The following ATP9B variants were observed in gnomAD, a reference collection of about 807,000 sequenced individuals.
The protein encoded by ATP9B is probable phospholipid-transporting ATPase IIB.
ATP9B carries 110 observed loss-of-function variants against 146.1 expected under a neutral mutation model. The ratio of observed to expected loss-of-function variants is 0.75; its 90% CI spans 0.65 to 0.88. The LOEUF is 0.88. Ranked by LOEUF, ATP9B falls within the 40% of genes least tolerant of loss-of-function variation. The pLI, the probability that ATP9B is intolerant of heterozygous loss-of-function variation, is 0.00. For synonymous variants in ATP9B, 604 were observed against 569.7 expected, an observed-to-expected ratio of 1.06 and a Z score of -0.86; for missense variants, 1,499 against 1,496.4, an observed-to-expected ratio of 1.00 and a Z score of -0.03.
At chr18:79,224,197 T>C (rs532829809) in intron 11 of ATP9B, among the ~76,000 whole-genome samples, 2 of 152,222 alleles carry the variant, frequency 1.3e-5, no homozygotes, top group African/African-American at 4.8e-5. Context: ...ATAATTGTCT[T>C]TATTTTTTGA....
chr18:79,277,181 T>C lies in ATP9B; in HGVS notation c.1396T>C (p.Leu466=). 2 of 1,614,244 alleles carry C rather than the reference T, an allele frequency of 1.2e-6. No individual in the cohort carries two copies. Among genetic ancestry groups the C allele is most frequent in the Non-Finnish European group, 8.5e-7 (1 of 1,180,042 alleles). ...PEELGRLVYL[L]TDKTGTLTQN... is the part of the protein sequence containing the mutation. ...GGAACTTGGGCGCCTGGTGTATTTA[T>C]TGACAGACAAAACAGGTACTGTTCG... The change falls in exon 13 of 30, where the codon TTG becomes CTG. Residue 466 remains leucine (L), a synonymous_variant. Coordinates refer to ENST00000426216, the MANE Select transcript of ATP9B (RefSeq NM_198531.5).
intron 1 of ATP9B, among the ~76,000 whole-genome samples, chr18:79,075,505 A>G (rs1349748460): frequency 6.6e-6 from 1 of 152,194 alleles, no homozygotes. Flanking sequence ...GTGCATACAC[A>G]TTTGAGATTC....
chr18:79,138,481 A>G (rs1257958199), intron 5 of ATP9B, among the ~76,000 whole-genome samples: 1 of 152,168 alleles, frequency 6.6e-6, no homozygotes, highest in Non-Finnish European at 1.5e-5. Flanking sequence ...GGCACATCCC[A>G]TTTACTTACT....
intron 25 of ATP9B, among the ~76,000 whole-genome samples, chr18:79,355,634 G>A (rs1412835563): frequency 7.4e-5 from 11 of 149,494 alleles, no homozygotes; most frequent in African/African-American, 2.3e-4. Flanking sequence ...CGTTTGTGCC[G>A]TGGGAGCCCC....
Position 79,282,543 on chromosome 18 carries a change from C to A in ATP9B, c.1411+5347C>A, listed in dbSNP as rs375562367. On this transcript the variant is annotated intron_variant, in intron 13 of 29. Transcript: ENST00000426216. ...TGCTGAAGGCTCAGATGATTGTTAG[C>A]ACGTTTTAAAAATATTTTTAAATTA... 1.7e-3 allele frequency among the ~76,000 whole-genome samples: 255 copies of A among 152,328 alleles called. No homozygotes were observed. In the Middle Eastern group the frequency reaches 0.02, roughly 12 times the overall value.
chr18:79,262,406 T>A (rs2096152457), intron 12 of ATP9B, among the ~76,000 whole-genome samples: 1 of 152,182 alleles, frequency 6.6e-6, no homozygotes, highest in Admixed American at 6.5e-5. Flanking sequence ...AACAAAGTTT[T>A]ATTTTATATA....
At chr18:79,136,604 C>T (rs2094450463) in intron 5 of ATP9B, among the ~76,000 whole-genome samples, 2 of 152,154 alleles carry the variant, frequency 1.3e-5, no homozygotes, top group African/African-American at 4.8e-5. Context: ...GAGGTAGTGA[C>T]ACATTCATTG....
rs536561524 is a variant in ATP9B at position 79,158,422 on chromosome 18, A to G, written c.778+3867A>G. Among the ~76,000 whole-genome samples, 3 of 152,200 alleles carry G rather than the reference A, an allele frequency of 2.0e-5. No homozygotes were observed. The East Asian group carries it at 5.8e-4, about 29-fold the overall frequency. On this transcript the variant is annotated intron_variant, in intron 7 of 29. Coordinates refer to ENST00000426216, the MANE Select transcript of ATP9B (RefSeq NM_198531.5). ...TGCCTCAGCCTCCCAGGTAGCTAGC[A>G]ATACAGGCATACACCACCACACCTG...
intron 6 of ATP9B, among the ~76,000 whole-genome samples, chr18:79,148,648 C>T (rs991937412): frequency 6.6e-6 from 1 of 152,286 alleles, no homozygotes; most frequent in African/African-American, 2.4e-5. Context: ...TGAATGCCTC[C>T]TCTCTGAGAC....
At chr18:79,333,766 C>A (rs979739813) in intron 17 of ATP9B, among the ~76,000 whole-genome samples, 1 of 152,130 alleles carries the variant, frequency 6.6e-6, no homozygotes, top group East Asian at 1.9e-4. Context: ...GGGCTCATTG[C>A]GGCCGTAGCT....
chr18:79,270,370 A>G (rs1377158282), intron 12 of ATP9B, among the ~76,000 whole-genome samples: 1 of 151,962 alleles, frequency 6.6e-6, no homozygotes, highest in East Asian at 1.9e-4. Flanking sequence ...TACAGAATGT[A>G]TTTTACTTTA....
chr18:79,287,081 T>G lies in ATP9B; in HGVS notation c.1411+9885T>G, dbSNP rs556226616. Among the ~76,000 whole-genome samples the G allele has an allele frequency of 7.2e-5, 11 of 152,340 alleles. No individual in the cohort carries two copies. In the South Asian group the frequency reaches 2.1e-3, roughly 29 times the overall value. ...CAAGGATACTGGTCTAAAATTCTCT[T>G]TTTTGGTTGTGTCTCTGCCGGGCTT... On this transcript the variant is annotated intron_variant, in intron 13 of 29. Transcript: ENST00000426216.
intron 11 of ATP9B, among the ~76,000 whole-genome samples, chr18:79,245,423 A>C (rs931747208): frequency 6.8e-6 from 1 of 147,936 alleles, no homozygotes; most frequent in Non-Finnish European, 1.5e-5. Context: ...CTACATTAAG[A>C]CAAAAAAAAC....
At chr18:79,073,434 C>G (rs1446302041) in intron 1 of ATP9B, among the ~76,000 whole-genome samples, 2 of 152,248 alleles carry the variant, frequency 1.3e-5, no homozygotes, top group Admixed American at 1.3e-4. Flanking sequence ...GGAGACCAGC[C>G]TGGCCAACAC....
intron 19 of ATP9B, among the ~76,000 whole-genome samples, chr18:79,340,921 C>T (rs569733192): frequency 7.7e-4 from 117 of 152,180 alleles, no homozygotes; most frequent in Non-Finnish European, 1.4e-3. Flanking sequence ...GACTGTGTGC[C>T]GCCTTGGCAG....
At chr18:79,323,675 G>T (rs960456965) in intron 15 of ATP9B, among the ~76,000 whole-genome samples, 1 of 152,198 alleles carries the variant, frequency 6.6e-6, no homozygotes, top group Non-Finnish European at 1.5e-5. Context: ...ACTCCATTGT[G>T]TGTACACCAC....
intron 7 of ATP9B, 65 bp from the exon 8 acceptor site, chr18:79,176,748 T>C: frequency 5.2e-6 from 7 of 1,342,236 alleles, no homozygotes; most frequent in Non-Finnish European, 7.5e-6. Flanking sequence ...TGATGGCACC[T>C]GTAGCTCAGG....
intron 11 of ATP9B, among the ~76,000 whole-genome samples, chr18:79,236,438 A>C (rs939177151): frequency 6.6e-6 from 1 of 151,408 alleles, no homozygotes; most frequent in Non-Finnish European, 1.5e-5. Context: ...TGTTTTGATG[A>C]GTAGCAACTC....
intron 1 of ATP9B, among the ~76,000 whole-genome samples, chr18:79,093,578 T>C: frequency 6.6e-6 from 1 of 152,252 alleles, no homozygotes. Flanking sequence ...TAAATTACTT[T>C]CAGCAAATTT....
Sources: gnomAD v4.1 joint callset for allele counts (sites outside exome capture counted in the v4.1 genomes callset) on GRCh38, gnomAD v4.1.1 for gene constraint, MANE v1.5 for transcripts, NCBI Gene and HGNC (gene_info 2026-07-23, HGNC 2026-07-21) for gene names.